YWHAZ: variants seen among roughly 807,000 people sequenced by gnomAD.
The protein encoded by YWHAZ is 14-3-3 protein zeta/delta.
For synonymous variants in YWHAZ, 87 were observed against 103.6 expected (o/e 0.84, Z 0.97); for missense variants, 79 against 284.8 (o/e 0.28, Z 5.20).
rs531570120 is a variant in YWHAZ at position 100,948,497 on chromosome 8, T to G, written c.294+99A>C. The G allele has an allele frequency of 9.6e-5, 128 of 1,340,276 alleles. 1 individual carries two copies. In the East Asian group the frequency reaches 2.9e-3, roughly 31 times the overall value. 83.0% of individuals were successfully genotyped at this position (1,340,276 alleles called of 1,614,324 possible). A position where few individuals can be genotyped will look rare whatever the true frequency, so the allele number is the denominator to read the frequency against. ...TTTTAAATTTGGAACACACAATGTT[T>G]AGAAGGAAAAGAAAAACCAAACAAA... On this transcript the variant is annotated intron_variant, in intron 2 of 5. Transcript: ENST00000395958. The surrounding 1 kb of genome is among the most constrained non-coding windows in gnomAD (Gnocchi z 4.2).
rs552030312 is a variant in YWHAZ, at chr8:100,933,976, T to C, written c.295-8937A>G. On this transcript the variant is annotated intron_variant, in intron 2 of 5. Transcript: ENST00000395958. ...GTTCAAAACCAGCTTGGCCATCATG[T>C]TGAAACCCCATCTCTACTAAAAATA... Among the ~76,000 whole-genome samples the C allele has an allele frequency of 5.3e-5, 8 of 151,008 alleles. No homozygotes were observed. The South Asian group carries it at 1.7e-3, about 32-fold the overall frequency.
intron 1 of YWHAZ, chr8:100,951,100 C>A: frequency 1.1e-6 from 1 of 941,050 alleles, no homozygotes; most frequent in Non-Finnish European, 1.3e-6. Context: ...CCCACCCCCA[C>A]CAGGAAAATT....
chr8:100,938,299 C>T (rs995158739), intron 2 of YWHAZ, among the ~76,000 whole-genome samples: 1 of 152,138 alleles, frequency 6.6e-6, no homozygotes, highest in Non-Finnish European at 1.5e-5. Context: ...AATATTAATG[C>T]TTACTGTATG....
rs73697341 is a variant in YWHAZ, at chr8:100,938,208, C to A, written c.294+10388G>T. Among the ~76,000 whole-genome samples, 95 of 152,272 alleles carry A rather than the reference C, an allele frequency of 6.2e-4. 1 individual carries two copies. Among genetic ancestry groups the A allele is most frequent in the African/African-American group, 2.0e-3 (85 of 41,546 alleles). ...TTATTCTGACAACTCCTCATCCCCCCCTACAAACCCAGTATCTTGATAGCA... is the reference window on the plus strand; with the variant it reads ...TTATTCTGACAACTCCTCATCCCCCACTACAAACCCAGTATCTTGATAGCA... On this transcript the variant is annotated intron_variant, in intron 2 of 5. Coordinates refer to ENST00000395958, the MANE Select transcript of YWHAZ (RefSeq NM_145690.3).
At chr8:100,921,184 C>T (rs1813001462) in intron 5 of YWHAZ, among the ~76,000 whole-genome samples, 1 of 152,084 alleles carries the variant, frequency 6.6e-6, no homozygotes, top group South Asian at 2.1e-4. Context: ...CAGGCATGTG[C>T]CACCACACCC....
At chr8:100,926,224 T>C (rs1813352117) in intron 2 of YWHAZ, among the ~76,000 whole-genome samples, 1 of 147,344 alleles carries the variant, frequency 6.8e-6, no homozygotes, top group Non-Finnish European at 1.5e-5. Flanking sequence ...TTTTTACAAC[T>C]CAAGCTACAG....
At chr8:100,932,762 CA>C in intron 2 of YWHAZ, among the ~76,000 whole-genome samples, 1 of 152,244 alleles carries the variant, frequency 6.6e-6, no homozygotes, top group East Asian at 1.9e-4. Context: ...CAAATAACTG[CA>C]AGTGTTTTTC....
At chr8:100,929,104 T>C (rs1813579136) in intron 2 of YWHAZ, among the ~76,000 whole-genome samples, 1 of 152,210 alleles carries the variant, frequency 6.6e-6, no homozygotes, top group African/African-American at 2.4e-5. Context: ...GACAAAATAG[T>C]TGTAAATATT....
intron 1 of YWHAZ, chr8:100,951,135 C>G (rs1403195422): frequency 1.0e-6 from 1 of 983,568 alleles, no homozygotes; most frequent in African/African-American, 1.8e-5. Flanking sequence ...CACCGCGGAG[C>G]CCAGGAAATT....
chr8:100,934,323 C>T (rs1233842241), intron 2 of YWHAZ, among the ~76,000 whole-genome samples: 5 of 144,692 alleles, frequency 3.5e-5, no homozygotes, highest in African/African-American at 1.0e-4. Context: ...GAGACCCTAT[C>T]TTTTTTTTTT....
chr8:100,930,025 A>T (rs1418819666), intron 2 of YWHAZ, among the ~76,000 whole-genome samples: 1 of 152,250 alleles, frequency 6.6e-6, no homozygotes, highest in Non-Finnish European at 1.5e-5. Context: ...AGCAATCATG[A>T]CTGAAATAAA....
At position 100,948,447 on chromosome 8, in the gene YWHAZ, T is replaced by C; in HGVS notation, c.294+149A>G. On this transcript the variant is annotated intron_variant, in intron 2 of 5. Transcript: ENST00000395958. The surrounding 1 kb of genome is among the most constrained non-coding windows in gnomAD (Gnocchi z 4.2). ...ACGTATCTATAATTGTCTTAACATCTTTTTAGTCATGACACCATGAAGACT... is the reference window on the plus strand; with the variant it reads ...ACGTATCTATAATTGTCTTAACATCCTTTTAGTCATGACACCATGAAGACT... 1.1e-6 allele frequency: 1 copy of C among 874,090 alleles called. No individual in the cohort carries two copies. Among genetic ancestry groups the C allele is most frequent in the South Asian group, 1.8e-5 (1 of 56,256 alleles). 54.1% of individuals were successfully genotyped at this position (874,090 alleles called of 1,614,324 possible). A position where few individuals can be genotyped will look rare whatever the true frequency, so the allele number is the denominator to read the frequency against.
Position 100,937,024 on chromosome 8 carries a change from A to G in YWHAZ, c.294+11572T>C, listed in dbSNP as rs1016712535. 2.0e-5 allele frequency among the ~76,000 whole-genome samples: 3 copies of G among 152,200 alleles called. No homozygotes were observed. In the South Asian group the frequency reaches 6.2e-4, roughly 32 times the overall value. Reference sequence around the variant, plus strand: ...GGAGCAGAAACAGGAAATTACAGTAAAACAATTTGCTAAATTTAATTAAGA... The same window carrying G: ...GGAGCAGAAACAGGAAATTACAGTAGAACAATTTGCTAAATTTAATTAAGA... On this transcript the variant is annotated intron_variant, in intron 2 of 5. Coordinates refer to ENST00000395958, the MANE Select transcript of YWHAZ (RefSeq NM_145690.3).
chr8:100,936,827 G>C (rs1487201612), intron 2 of YWHAZ, among the ~76,000 whole-genome samples: 1 of 151,900 alleles, frequency 6.6e-6, no homozygotes, highest in Non-Finnish European at 1.5e-5. Context: ...CAAACAAAAA[G>C]GATCACCAGA....
At chr8:100,949,080 A>C (rs529235582) in intron 1 of YWHAZ, among the ~76,000 whole-genome samples, 180 bp from the exon 2 acceptor site, 50 of 152,362 alleles carry the variant, frequency 3.3e-4, no homozygotes, top group Middle Eastern at 3.4e-3. Flanking sequence ...AAAAAAATTT[A>C]GCATACTCAG....
rs1813219935 is a variant in YWHAZ, at chr8:100,924,352, C to T, written c.419-54G>A. On this transcript the variant is annotated intron_variant, in intron 3 of 5. Coordinates refer to ENST00000395958, the MANE Select transcript of YWHAZ (RefSeq NM_145690.3). This position sits in a 1 kb window ranked among gnomAD's most constrained non-coding sequence, Gnocchi z 5.7. ...GATAAAGTGTGCATTATATCTTCAC[C>T]CCTCAAACCAAACCTTTAATATCTC... is the stretch of plus-strand genomic sequence containing the variant. The T allele has an allele frequency of 6.5e-7, 1 of 1,545,618 alleles. No homozygotes were observed.
chr8:100,938,907 C>T (rs1404314270), intron 2 of YWHAZ, among the ~76,000 whole-genome samples: 1 of 152,210 alleles, frequency 6.6e-6, no homozygotes. Context: ...TAAATTATTA[C>T]CTTTCTATGC....
intron 1 of YWHAZ, chr8:100,950,516 T>C: frequency 1.0e-6 from 1 of 985,368 alleles, no homozygotes; most frequent in African/African-American, 1.7e-5. Context: ...TCCGCCCAAG[T>C]CGGAGCCACG....
chr8:100,917,654 G>A lies in YWHAZ; in HGVS notation c.*3039C>T, dbSNP rs1812760579. 6.6e-6 allele frequency: 1 copy of A among 152,224 alleles called. No individual in the cohort carries two copies. 9.4% of individuals were successfully genotyped at this position (152,224 alleles called of 1,614,324 possible). The stretch of plus-strand genomic sequence containing the variant: ...GAATCACTTCAGCCTGGGAGGAGAA[G>A]GTTGCAGTGAGCCGAGATCAGGCCA... On this transcript the variant is annotated 3_prime_UTR_variant, in exon 6 of 6. Transcript: ENST00000395958.
Sources: allele counts gnomAD v4.1 joint callset (sites outside exome capture counted in the v4.1 genomes callset), GRCh38; gene constraint gnomAD v4.1.1; non-coding constraint Gnocchi (gnomAD v3.1); transcripts MANE v1.5; gene names NCBI Gene and HGNC (gene_info 2026-07-23, HGNC 2026-07-21).